Variants in ZNF831 observed in about 807,000 individuals in gnomAD.
ZNF831 encodes the protein zinc finger protein 831.
In ZNF831, 59 loss-of-function variants were observed where a neutral mutation model predicts 95.8. The observed-to-expected ratio is 0.62, with a 90% confidence interval of 0.50 to 0.77. The LOEUF is 0.77. ZNF831 is among the 30% of genes least tolerant of loss of function. The pLI is 0.00. For missense variants in ZNF831, 2,205 were observed against 2,164.0 expected (o/e 1.02, Z -0.38); for synonymous variants, 961 against 925.5 (o/e 1.04, Z -0.70).
chr20:59,204,832 A>C (rs1984774519), intron 3 of ZNF831, among the ~76,000 whole-genome samples: 1 of 152,050 alleles, frequency 6.6e-6, no homozygotes, highest in African/African-American at 2.4e-5. Context: ...GAGCTTGCAA[A>C]ACCTTCCTAA....
intron 1 of ZNF831, among the ~76,000 whole-genome samples, chr20:59,177,008 G>T (rs1568740703): frequency 1.3e-5 from 1 of 78,444 alleles, no homozygotes; most frequent in Non-Finnish European, 2.4e-5. Context: ...GGAAAGATCT[G>T]CCCTTGGCAC....
rs558393472 is a variant in ZNF831, at chr20:59,191,240, G to T, written c.221G>T (p.Arg74Leu). Residue 74 changes from arginine to leucine, a missense_variant, in exon 2 of 6, where the codon CGC becomes CTC. By Grantham distance (102) the Arg-to-Leu change is moderately radical (BLOSUM62 -2). Transcript: ENST00000371030. ...GTGCCTCCCGGGGGCCTCCAGCCCC[G>T]CGCCCCGCTAGTGACGGGCAGCCTA... is the stretch of plus-strand genomic sequence containing the variant. Reference protein sequence around the residue: ...HTVPPGGLQPRAPLVTGSLDG... With the variant: ...HTVPPGGLQPLAPLVTGSLDG... The T allele has an allele frequency of 6.5e-7, 1 of 1,547,102 alleles. No homozygotes were observed. The highest frequency in any genetic ancestry group is 1.9e-5 in the Admixed American group (1 of 51,298).
upstream of ZNF831, chr20:59,160,802 T>C (rs1418320184): frequency 1.6e-4 from 13 of 79,792 alleles, no homozygotes; most frequent in African/African-American, 9.0e-4. Context: ...GTTTTGCTGC[T>C]TTTTTTTTTT....
chr20:59,223,350 G>T (rs1986222050), intron 4 of ZNF831, among the ~76,000 whole-genome samples: 1 of 152,180 alleles, frequency 6.6e-6, no homozygotes, highest in African/African-American at 2.4e-5. Flanking sequence ...CCAAGTGTGT[G>T]CGATGGTTCC....
intron 4 of ZNF831, among the ~76,000 whole-genome samples, chr20:59,236,453 T>G (rs565875886): frequency 6.6e-6 from 1 of 152,248 alleles, no homozygotes; most frequent in South Asian, 2.1e-4. Context: ...ATCCTTTTTT[T>G]GTTTTTGTTT....
chr20:59,192,449 C>T lies in ZNF831; in HGVS notation c.1430C>T (p.Pro477Leu), dbSNP rs2146565733. The T allele has an allele frequency of 1.9e-6, 3 of 1,603,562 alleles. No individual in the cohort carries two copies. The highest frequency in any genetic ancestry group is 2.6e-6 in the Non-Finnish European group (3 of 1,175,436). ...CCCGTGCGCTCCACCTGGACGCCCC[C>T]AGACAAGTCTCGGCCCCTCTTCTTC... The part of the protein sequence containing the change: ...PGPVRSTWTP[P>L]DKSRPLFFHS... Residue 477 changes from proline (P) to leucine (L), a missense_variant, in exon 2 of 6, where the codon CCA becomes CTA. Pro to Leu is a moderately conservative substitution (Grantham distance 98). Transcript: ENST00000371030. This position sits in a 1 kb window ranked among gnomAD's most constrained non-coding sequence, Gnocchi z 5.2.
chr20:59,124,028 A>G (rs1277610035), intron 1 of ZNF831, among the ~76,000 whole-genome samples: 2 of 152,192 alleles, frequency 1.3e-5, no homozygotes, highest in African/African-American at 4.8e-5. Flanking sequence ...AACCTTTACC[A>G]TTCCCCGTGA....
At chr20:59,139,067 A>G (rs1224004504) in intron 1 of ZNF831, among the ~76,000 whole-genome samples, 1 of 152,154 alleles carries the variant, frequency 6.6e-6, no homozygotes, top group Non-Finnish European at 1.5e-5. Flanking sequence ...ACATTTATAA[A>G]TAACGTGACA....
At chr20:59,200,306 T>G (rs2146620183) in intron 3 of ZNF831, among the ~76,000 whole-genome samples, 1 of 152,286 alleles carries the variant, frequency 6.6e-6, no homozygotes, top group East Asian at 1.9e-4. Context: ...CTCTCCTTCC[T>G]TTCTGAAATA....
Position 59,254,802 on chromosome 20 carries a change from G to A in ZNF831, c.*59G>A, listed in dbSNP as rs994978508. On this transcript the variant is annotated 3_prime_UTR_variant, in exon 6 of 6. Coordinates refer to ENST00000371030, the MANE Select transcript of ZNF831 (RefSeq NM_178457.3). This position sits in a 1 kb window ranked among gnomAD's most constrained non-coding sequence, Gnocchi z 4.5. The stretch of plus-strand genomic sequence containing the variant: ...GACTGTTGACGCTTCACAAGTAAAT[G>A]TTGTCAGGCTGGCGGAAGAACTAAA... 5.2e-6 allele frequency: 8 copies of A among 1,540,244 alleles called. No individual in the cohort carries two copies. In the African/African-American group the frequency reaches 1.1e-4, roughly 21 times the overall value.
At chr20:59,244,849 A>G (rs1043584989) in intron 4 of ZNF831, among the ~76,000 whole-genome samples, 1 of 152,202 alleles carries the variant, frequency 6.6e-6, no homozygotes, top group Non-Finnish European at 1.5e-5. Context: ...ACTACTATTT[A>G]TCTGTTCATC....
chr20:59,141,811 G>C (rs1216836381), intron 1 of ZNF831, among the ~76,000 whole-genome samples: 1 of 152,218 alleles, frequency 6.6e-6, no homozygotes, highest in Non-Finnish European at 1.5e-5. Flanking sequence ...AGCTAGAGCT[G>C]TACTGTCAAA....
chr20:59,189,466 CA>C (rs1568748376), intron 1 of ZNF831, among the ~76,000 whole-genome samples: 1 of 152,144 alleles, frequency 6.6e-6, no homozygotes, highest in East Asian at 1.9e-4. Context: ...TGGTATGAGC[CA>C]GCTCAATGTG....
rs369338680 is a variant in ZNF831 at position 59,192,351 on chromosome 20, G to T, written c.1332G>T (p.Thr444=). ...LSKQGSIDLP[T]PYTYKDSFHF... ...AACAGGGCAGCATCGACCTGCCCAC[G>T]CCCTACACCTACAAGGACTCCTTCC... Residue 444 remains threonine (T), a synonymous_variant, in exon 2 of 6, where the codon ACG becomes ACT. Coordinates refer to ENST00000371030, the MANE Select transcript of ZNF831 (RefSeq NM_178457.3). The surrounding 1 kb of genome is among the most constrained non-coding windows in gnomAD (Gnocchi z 5.2). 4.8e-5 allele frequency: 77 copies of T among 1,610,024 alleles called. No individual in the cohort carries two copies. Among genetic ancestry groups the T allele is most frequent in the Middle Eastern group, 1.6e-4 (1 of 6,068 alleles).
intron 1 of ZNF831, among the ~76,000 whole-genome samples, chr20:59,135,882 G>A (rs1364524727): frequency 4.6e-5 from 7 of 152,190 alleles, no homozygotes; most frequent in African/African-American, 1.7e-4. Context: ...GCTGAGGTGG[G>A]AGGATTGCTT....
In ZNF831 at chr20:59,193,092, G is replaced by A. The variant is rs759553751; in HGVS notation, c.2073G>A (p.Glu691=). 2.5e-6 allele frequency: 4 copies of A among 1,599,890 alleles called. No homozygotes were observed. The South Asian group carries it at 4.5e-5, about 18-fold the overall frequency. The change falls in exon 2 of 6, where the codon GAG becomes GAA. Residue 691 remains glutamate, a synonymous_variant. Transcript: ENST00000371030. ...ACATATCCGCAGGGGCAACGCCAGA[G>A]CCTTGGGGAAATCCACCAGCCCTGG... ...HEDISAGATP[E]PWGNPPALEA...
intron 1 of ZNF831, among the ~76,000 whole-genome samples, chr20:59,138,487 C>G (rs992887116): frequency 6.6e-6 from 1 of 152,230 alleles, no homozygotes; most frequent in African/African-American, 2.4e-5. Flanking sequence ...TCACTGCACT[C>G]TTGCTTGCTC....
intron 1 of ZNF831, among the ~76,000 whole-genome samples, chr20:59,175,614 C>T (rs1174838023): frequency 6.6e-6 from 1 of 151,912 alleles, no homozygotes; most frequent in Non-Finnish European, 1.5e-5. Flanking sequence ...CTTCTTTTAT[C>T]TTCTATGTCT....
intron 4 of ZNF831, among the ~76,000 whole-genome samples, chr20:59,230,286 A>G (rs1233159761): frequency 6.6e-6 from 1 of 152,088 alleles, no homozygotes; most frequent in Non-Finnish European, 1.5e-5. Context: ...CAAAAATGTA[A>G]ACAAATGGAA....
Sources: gnomAD v4.1 joint callset for allele counts (sites outside exome capture counted in the v4.1 genomes callset) on GRCh38, gnomAD v4.1.1 for gene constraint, Gnocchi (gnomAD v3.1) non-coding constraint, MANE v1.5 for transcripts, NCBI Gene and HGNC (gene_info 2026-07-23, HGNC 2026-07-21) for gene names.